CDC34: variants seen among roughly 807,000 people sequenced by gnomAD.
The protein encoded by CDC34 is cell division cycle 34, ubiquitin conjugating enzyme.
Under a neutral mutation model 26.8 loss-of-function variants are expected in CDC34, and 18 were observed. The ratio of observed to expected loss-of-function variants is 0.67; its 90% CI spans 0.47 to 1.00. CDC34 has a LOEUF of 1.00. Ranked by LOEUF, CDC34 falls within the 50% of genes least tolerant of loss-of-function variation. The pLI, the probability that CDC34 is intolerant of heterozygous loss-of-function variation, is 0.00. For synonymous variants in CDC34, 178 were observed against 147.5 expected (o/e 1.21, Z -1.50); for missense variants, 280 against 334.5 (o/e 0.84, Z 1.27).
At chr19:537,554 G>A (rs533324617) in intron 4 of CDC34, among the ~76,000 whole-genome samples, 15 of 151,252 alleles carry the variant, frequency 9.9e-5, no homozygotes, top group Non-Finnish European at 1.8e-4. Context: ...GGGTTTCAGC[G>A]TGTTAGCCAG....
chr19:533,188 C>T (rs1979576180), intron 1 of CDC34, among the ~76,000 whole-genome samples: 1 of 152,134 alleles, frequency 6.6e-6, no homozygotes. Flanking sequence ...GCGAGGGGCC[C>T]TGTGTGAGCG....
chr19:536,522 G>A (rs909681143), intron 3 of CDC34, 182 bp downstream of exon 3: 32 of 597,646 alleles, frequency 5.4e-5, no homozygotes, highest in African/African-American at 2.4e-4. Context: ...GTGCTTTCAC[G>A]GGGCCTGCGG....
Position 537,061 on chromosome 19 carries a change from C to T in CDC34, c.411C>T (p.Phe137=), listed in dbSNP as rs1600425607. 1 of 1,613,806 alleles carries T rather than the reference C, an allele frequency of 6.2e-7. No individual in the cohort carries two copies. Among genetic ancestry groups the T allele is most frequent in the African/African-American group, 1.3e-5 (1 of 74,946 alleles). ...VISLLNEPNT[F]SPANVDASVM... ...CCCTCCTGAACGAGCCCAACACCTT[C>T]TCGCCCGCAAACGTGGACGCCTCCG... The change falls in exon 4 of 5, where the codon TTC becomes TTT. Residue 137 remains phenylalanine (F), a synonymous_variant. Transcript: ENST00000215574.
rs768851405 is a variant in CDC34, at chr19:535,941, G to A, written c.264+18G>A. ...TCTACGAGGTGAGCGCGGCCCCCAC[G>A]GGCCTCAAGTCCTCATCCTCCGGGA... On this transcript the variant is annotated intron_variant, in intron 2 of 4. Coordinates refer to ENST00000215574, the MANE Select transcript of CDC34 (RefSeq NM_004359.2). 1.3e-5 allele frequency: 21 copies of A among 1,607,126 alleles called. No homozygotes were observed. Among genetic ancestry groups the A allele is most frequent in the South Asian group, 5.5e-5 (5 of 90,948 alleles).
rs773303974 is a variant in CDC34, at chr19:535,857, C to T, written c.198C>T (p.Ile66=). 1.1e-5 allele frequency: 17 copies of T among 1,613,744 alleles called. No homozygotes were observed. Among genetic ancestry groups the T allele is most frequent in the East Asian group, 2.2e-5 (1 of 44,902 alleles). The change falls in exon 2 of 5, where the codon ATC becomes ATT. Residue 66 remains isoleucine (I), a synonymous_variant. Coordinates refer to ENST00000215574, the MANE Select transcript of CDC34 (RefSeq NM_004359.2). ...TGCAGGCGCGCCTCAAGTTCCCCATCGACTACCCATACTCTCCACCAGCCT... is the reference window on the plus strand; with the variant it reads ...TGCAGGCGCGCCTCAAGTTCCCCATTGACTACCCATACTCTCCACCAGCCT... ...GYFKARLKFP[I]DYPYSPPAFR...
intron 4 of CDC34, among the ~76,000 whole-genome samples, chr19:541,010 A>G (rs1979986837): frequency 6.6e-6 from 1 of 152,164 alleles, no homozygotes; most frequent in Admixed American, 6.5e-5. Context: ...CCAGTGGGGC[A>G]GCATGGGCCC....
At chr19:538,517 T>C (rs1238359128) in intron 4 of CDC34, among the ~76,000 whole-genome samples, 1 of 136,802 alleles carries the variant, frequency 7.3e-6, no homozygotes, top group African/African-American at 2.5e-5. Context: ...TCCTGTTACA[T>C]AGAGGCCCTT....
In CDC34 at chr19:538,682, C is replaced by T. The variant is rs1979875448; in HGVS notation, c.497+1535C>T. On this transcript the variant is annotated intron_variant, in intron 4 of 4. Coordinates refer to ENST00000215574, the MANE Select transcript of CDC34 (RefSeq NM_004359.2). The stretch of plus-strand genomic sequence containing the variant: ...CATGTGTCTTCCTCGCCCCAGGACC[C>T]AGGAGCATCCAGGGCACCTTCCATC... 4.1e-6 allele frequency: 4 copies of T among 984,572 alleles called. No homozygotes were observed. In the African/African-American group the frequency reaches 7.0e-5, roughly 17 times the overall value. The allele number at this position is 984,572 out of a possible 1,614,324, so 61.0% of individuals were successfully genotyped here.
Position 541,711 on chromosome 19 carries a change from C to A in CDC34, c.*159C>A, listed in dbSNP as rs1980027189. 1 of 785,172 alleles carries A rather than the reference C, an allele frequency of 1.3e-6. No individual in the cohort carries two copies. The highest frequency in any genetic ancestry group is 1.9e-6 in the Non-Finnish European group (1 of 534,142). 48.6% of individuals were successfully genotyped at this position (785,172 alleles called of 1,614,324 possible). On this transcript the variant is annotated 3_prime_UTR_variant, in exon 5 of 5. Coordinates refer to ENST00000215574, the MANE Select transcript of CDC34 (RefSeq NM_004359.2). The stretch of plus-strand genomic sequence containing the variant: ...TCCCCATGTCTGTTCTGGGTTTTCA[C>A]GTGCTTCAGAGAAGAGGGGCTGCCC...
At chr19:534,171 G>C (rs1181622644) in intron 1 of CDC34, among the ~76,000 whole-genome samples, 4 of 152,182 alleles carry the variant, frequency 2.6e-5, no homozygotes, top group Non-Finnish European at 5.9e-5. Context: ...CCAGCACCAG[G>C]CTTGGGGGGC....
chr19:539,168 G>A (rs574481306), intron 4 of CDC34: 3 of 295,126 alleles, frequency 1.0e-5, no homozygotes, highest in Admixed American at 6.5e-5. Flanking sequence ...GCAGGCTGCC[G>A]TGGAGCCCGG....
chr19:540,742 CGGA>C (rs1979969071), intron 4 of CDC34, among the ~76,000 whole-genome samples: 4 of 69,358 alleles, frequency 5.8e-5, no homozygotes, highest in South Asian at 4.6e-4. Context: ...GTTTAGAATC[CGGA>C]GGCTGGGATG....
intron 1 of CDC34, among the ~76,000 whole-genome samples, chr19:534,989 C>G (rs1372232427): frequency 6.6e-6 from 1 of 152,242 alleles, no homozygotes; most frequent in East Asian, 1.9e-4. Flanking sequence ...ACCAGGACCC[C>G]TGACCCAGAC....
Position 538,797 on chromosome 19 carries a change from G to A in CDC34, c.497+1650G>A, listed in dbSNP as rs16989781. 3,228 of 985,300 alleles carry A rather than the reference G, an allele frequency of 3.3e-3. 8 individuals carry two copies. The highest frequency in any genetic ancestry group is 3.7e-3 in the Non-Finnish European group (3,036 of 829,888). The allele number at this position is 985,300 out of a possible 1,614,324, so 61.0% of individuals were successfully genotyped here. A position where few individuals can be genotyped will look rare whatever the true frequency, so the allele number is the denominator to read the frequency against. On this transcript the variant is annotated intron_variant, in intron 4 of 4. Coordinates refer to ENST00000215574, the MANE Select transcript of CDC34 (RefSeq NM_004359.2). ...TCGGCTCTGAGCAGCCATGGTGGGC[G>A]GGCCCCGTGCGGCCTCCTGGGAAGT...
In CDC34 at chr19:541,463, G is replaced by A. The variant is rs200761288; in HGVS notation, c.622G>A (p.Asp208Asn). Residue 208 changes from aspartate (D) to asparagine (N), a missense_variant, in exon 5 of 5, where the codon GAC becomes AAC. Transcript: ENST00000215574. ...APDEGSDLFY[D>N]DYYEDGEVEE... ...CGACGAGGGCTCAGACCTCTTCTACGACGACTACTACGAGGACGGCGAGGT... is the reference window on the plus strand; with the variant it reads ...CGACGAGGGCTCAGACCTCTTCTACAACGACTACTACGAGGACGGCGAGGT... 1.4e-5 allele frequency: 23 copies of A among 1,612,722 alleles called. No homozygotes were observed. Among genetic ancestry groups the A allele is most frequent in the Non-Finnish European group, 1.7e-5 (20 of 1,179,838 alleles).
In CDC34 at chr19:541,391, C is replaced by T. The variant is rs748241028; in HGVS notation, c.550C>T (p.Pro184Ser). 1 of 1,610,284 alleles carries T rather than the reference C, an allele frequency of 6.2e-7. No individual in the cohort carries two copies. The highest frequency in any genetic ancestry group is 1.1e-5 in the South Asian group (1 of 90,826). The change falls in exon 5 of 5, where the codon CCC (proline) becomes TCC (serine). Residue 184 changes from proline (P) to serine (S), a missense_variant. By Grantham distance (74) the Pro-to-Ser change is moderately conservative (BLOSUM62 -1). Transcript: ENST00000215574. ...VDAERDGVKV[P>S]TTLAEYCVKT... is the part of the protein sequence containing the mutation. Reference sequence around the variant, plus strand: ...CGCGGAGCGTGACGGCGTGAAGGTGCCCACCACGCTGGCCGAGTACTGCGT... The same window carrying T: ...CGCGGAGCGTGACGGCGTGAAGGTGTCCACCACGCTGGCCGAGTACTGCGT...
Position 536,540 on chromosome 19 carries a change from T to G in CDC34, c.362+200T>G, listed in dbSNP as rs1022671945. On this transcript the variant is annotated intron_variant, in intron 3 of 4. Transcript: ENST00000215574. ...CTTTCACGGGGCCTGCGGCACCGTG[T>G]GTCGGTGCAGACTCCCACCAGGACC... The G allele has an allele frequency of 8.5e-6, 5 of 590,494 alleles. No individual in the cohort carries two copies. In the Admixed American group the frequency reaches 9.1e-5, roughly 11 times the overall value. The allele number at this position is 590,494 out of a possible 1,614,324, so 36.6% of individuals were successfully genotyped here. A position where few individuals can be genotyped will look rare whatever the true frequency, so the allele number is the denominator to read the frequency against.
At chr19:540,730 G>A (rs183392182) in intron 4 of CDC34, among the ~76,000 whole-genome samples, 1,260 of 50,378 alleles carry the variant, frequency 0.025, 244 homozygotes, top group African/African-American at 0.11. Context: ...CCAGGCCCCC[G>A]GGTTTAGAAT....
intron 3 of CDC34, 195 bp downstream of exon 3, chr19:536,535 C>T: frequency 1.7e-6 from 1 of 596,520 alleles, no homozygotes; most frequent in East Asian, 2.8e-5. Flanking sequence ...GCCTGCGGCA[C>T]CGTGTGTCGG....
Sources: allele counts gnomAD v4.1 joint callset (sites outside exome capture counted in the v4.1 genomes callset), GRCh38; gene constraint gnomAD v4.1.1; transcripts MANE v1.5; gene names NCBI Gene and HGNC (gene_info 2026-07-23, HGNC 2026-07-21).